MCTP1: variants seen among roughly 807,000 people sequenced by gnomAD.
MCTP1 encodes multiple C2 and transmembrane domain-containing protein 1.
Under a neutral mutation model 120.6 loss-of-function variants are expected in MCTP1, and 69 were observed. The observed-to-expected ratio is 0.57, with a 90% CI of 0.47 to 0.70. MCTP1 has a LOEUF of 0.70. Among genes scored for constraint, MCTP1 ranks in the 30% least tolerant of loss-of-function variants. MCTP1 has a pLI of 0.00. For synonymous variants in MCTP1, 529 were observed against 493.1 expected (o/e 1.07, Z -0.96); for missense variants, 1,203 against 1,248.8 (o/e 0.96, Z 0.55).
rs60609185 is a variant in MCTP1 at position 95,059,208 on chromosome 5, C to CATATAT, written c.721-41730_721-41725dup. Reference sequence around the variant, plus strand: ...GGTGGATTGGATAAGGAAAATGTGGCATATATATATATATATACACTATAA... The same window carrying CATATAT: ...GGTGGATTGGATAAGGAAAATGTGGCATATATATATATATATATATATACACTATAA... On this transcript the variant is annotated intron_variant, in intron 1 of 22. Coordinates refer to ENST00000515393, the MANE Select transcript of MCTP1 (RefSeq NM_024717.7). 4.5e-3 allele frequency among the ~76,000 whole-genome samples: 678 copies of CATATAT among 149,672 alleles called. 1 individual carries two copies. The highest frequency in any genetic ancestry group is 0.017 in the Middle Eastern group (5 of 292).
chr5:94,866,535 C>G (rs1230944526), intron 17 of MCTP1, among the ~76,000 whole-genome samples: 1 of 129,738 alleles, frequency 7.7e-6, no homozygotes, highest in Admixed American at 8.1e-5. Context: ...CTTTACTATG[C>G]CTGATTCCCT....
chr5:95,040,977 C>T (rs1277591916), intron 1 of MCTP1, among the ~76,000 whole-genome samples: 1 of 152,076 alleles, frequency 6.6e-6, no homozygotes, highest in Non-Finnish European at 1.5e-5. Flanking sequence ...CAGAAGTACA[C>T]TAGATTCTTG....
At chr5:95,182,207 C>A (rs890316816) in intron 1 of MCTP1, among the ~76,000 whole-genome samples, 2 of 152,050 alleles carry the variant, frequency 1.3e-5, no homozygotes, top group Non-Finnish European at 2.9e-5. Context: ...GATGAAGATG[C>A]CCCAGAAGTC....
At position 94,796,941 on chromosome 5, in the gene MCTP1, A is replaced by G. The variant is rs184550241; in HGVS notation, c.2556+2072T>C. Among the ~76,000 whole-genome samples the G allele has an allele frequency of 5.8e-4, 88 of 152,100 alleles. 1 individual carries two copies. The East Asian group carries it at 0.015, about 26-fold the overall frequency. On this transcript the variant is annotated intron_variant, in intron 18 of 22. Coordinates refer to ENST00000515393, the MANE Select transcript of MCTP1 (RefSeq NM_024717.7). ...TATGGAGTGTAGTTGGCATTCCATG[A>G]GAGTTAGACTATAGAATGTTTCACA...
chr5:94,720,519 GAATA>G (rs1300850704), intron 19 of MCTP1, among the ~76,000 whole-genome samples: 1 of 152,022 alleles, frequency 6.6e-6, no homozygotes, highest in Non-Finnish European at 1.5e-5. Flanking sequence ...TATTTAGAAA[GAATA>G]TATAATGACA....
At chr5:94,833,652 T>A (rs529531927) in intron 17 of MCTP1, among the ~76,000 whole-genome samples, 1 of 152,344 alleles carries the variant, frequency 6.6e-6, no homozygotes, top group African/African-American at 2.4e-5. Context: ...CTTTGTGCTA[T>A]CAAAACTTTT....
At chr5:95,219,747 C>T (rs1409300171) in intron 1 of MCTP1, among the ~76,000 whole-genome samples, 2 of 152,170 alleles carry the variant, frequency 1.3e-5, no homozygotes, top group African/African-American at 4.8e-5. Flanking sequence ...ACTCCATTTC[C>T]CAAAATCTGC....
At chr5:94,712,942 G>A (rs375074296) in intron 20 of MCTP1, among the ~76,000 whole-genome samples, 1 of 151,802 alleles carries the variant, frequency 6.6e-6, no homozygotes, top group African/African-American at 2.4e-5. Flanking sequence ...CTATTGGAAG[G>A]ATAAATGGCA....
chr5:95,093,793 A>C (rs1331943745), intron 1 of MCTP1, among the ~76,000 whole-genome samples: 3 of 152,192 alleles, frequency 2.0e-5, no homozygotes, highest in Non-Finnish European at 4.4e-5. Flanking sequence ...CAGGATTGTG[A>C]CTATAGCAAA....
In MCTP1 at chr5:94,971,442, T is replaced by C. The variant is rs1240657658; in HGVS notation, c.839-18081A>G. 4.6e-5 allele frequency among the ~76,000 whole-genome samples: 7 copies of C among 152,222 alleles called. No individual in the cohort carries two copies. In the East Asian group the frequency reaches 1.4e-3, roughly 29 times the overall value. On this transcript the variant is annotated intron_variant, in intron 2 of 22. Transcript: ENST00000515393. ...CATCAAGGTTCTAGCAAGATAAAGTTAAATATGTAGAAAACTAGTGAAACT... is the reference window on the plus strand; with the variant it reads ...CATCAAGGTTCTAGCAAGATAAAGTCAAATATGTAGAAAACTAGTGAAACT...
In MCTP1 at chr5:95,284,659, G is replaced by A; in HGVS notation, c.-84C>T. 1.7e-6 allele frequency: 2 copies of A among 1,195,904 alleles called. No homozygotes were observed. Among genetic ancestry groups the A allele is most frequent in the Non-Finnish European group, 1.1e-6 (1 of 914,144 alleles). The allele number at this position is 1,195,904 out of a possible 1,614,324, so 74.1% of individuals were successfully genotyped here. A position where few individuals can be genotyped will look rare whatever the true frequency, so the allele number is the denominator to read the frequency against. ...CCCTCTTCGGCTGCACCTCCTCCCG[G>A]GTCCCCGCGGCGCTGGCGGTGGCGG... is the stretch of plus-strand genomic sequence containing the variant. On this transcript the variant is annotated 5_prime_UTR_variant, in exon 1 of 23. Transcript: ENST00000515393. This position sits in a 1 kb window ranked among gnomAD's most constrained non-coding sequence, Gnocchi z 5.2.
chr5:94,896,934 C>G (rs946153379), intron 10 of MCTP1, among the ~76,000 whole-genome samples: 4 of 152,126 alleles, frequency 2.6e-5, no homozygotes, highest in East Asian at 1.9e-4. Context: ...CCCACCTGAA[C>G]CTGGGACTCT....
chr5:95,001,849 A>C (rs35270609), intron 2 of MCTP1, among the ~76,000 whole-genome samples: 24,359 of 152,212 alleles, frequency 0.16, 2,169 homozygotes, highest in East Asian at 0.32. Context: ...GCCAAATGTT[A>C]ATCACGAAGA....
chr5:95,091,719 T>C (rs1013190134), intron 1 of MCTP1, among the ~76,000 whole-genome samples: 1 of 152,224 alleles, frequency 6.6e-6, no homozygotes, highest in African/African-American at 2.4e-5. Context: ...ATGAAGGACA[T>C]TGACCAGAAT....
intron 19 of MCTP1, among the ~76,000 whole-genome samples, chr5:94,715,917 CAG>C (rs1283842513): frequency 6.6e-6 from 1 of 152,230 alleles, no homozygotes; most frequent in Non-Finnish European, 1.5e-5. Flanking sequence ...ATGTGGCAGT[CAG>C]TGCTTGCTGA....
chr5:94,892,476 GC>G (rs1802905191), intron 11 of MCTP1, among the ~76,000 whole-genome samples: 1 of 151,820 alleles, frequency 6.6e-6, no homozygotes, highest in Non-Finnish European at 1.5e-5. Flanking sequence ...ATTACTACCC[GC>G]CCCCTATTGA....
At chr5:95,061,110 G>A (rs1332054325) in intron 1 of MCTP1, among the ~76,000 whole-genome samples, 6 of 151,184 alleles carry the variant, frequency 4.0e-5, no homozygotes, top group Non-Finnish European at 2.9e-5. Flanking sequence ...GTTGTGATGG[G>A]GACATGCTGG....
chr5:95,076,955 C>T (rs953574057), intron 1 of MCTP1, among the ~76,000 whole-genome samples: 6 of 152,124 alleles, frequency 3.9e-5, no homozygotes, highest in Non-Finnish European at 8.8e-5. Flanking sequence ...ATTCCCTCCC[C>T]GCCTTGTAAA....
intron 1 of MCTP1, among the ~76,000 whole-genome samples, chr5:95,275,828 C>T (rs1322738606): frequency 6.6e-6 from 1 of 151,876 alleles, no homozygotes; most frequent in Non-Finnish European, 1.5e-5. Flanking sequence ...ATGGTTGTTA[C>T]AAGAATCAGA....
Sources: gnomAD v4.1 joint callset for allele counts (sites outside exome capture counted in the v4.1 genomes callset) on GRCh38, gnomAD v4.1.1 for gene constraint, Gnocchi (gnomAD v3.1) non-coding constraint, MANE v1.5 for transcripts, NCBI Gene and HGNC (gene_info 2026-07-23, HGNC 2026-07-21) for gene names.